Variants in CLVS1 observed in about 807,000 individuals in gnomAD.
CLVS1 encodes the protein clavesin 1, also known as clavesin-1.
CLVS1 carries 10 observed loss-of-function variants against 33.1 expected under a neutral mutation model. The observed-to-expected ratio is 0.30, with a 90% CI of 0.19 to 0.51. CLVS1 has a LOEUF of 0.51. CLVS1 is among the 20% of genes least tolerant of loss of function. The pLI is 0.97. For synonymous variants in CLVS1, 163 were observed against 166.1 expected (o/e 0.98, Z 0.14); for missense variants, 343 against 433.4 (o/e 0.79, Z 1.85).
intron 2 of CLVS1, among the ~76,000 whole-genome samples, chr8:61,330,662 A>G (rs994662525): frequency 1.3e-5 from 2 of 152,142 alleles, no homozygotes; most frequent in Non-Finnish European, 2.9e-5. Context: ...ACAGATGTAC[A>G]TCACTTCTCT....
At chr8:61,447,598 A>G (rs545335257) in intron 3 of CLVS1, among the ~76,000 whole-genome samples, 1 of 152,042 alleles carries the variant, frequency 6.6e-6, no homozygotes, top group East Asian at 1.9e-4. Context: ...TTCATAACTT[A>G]TAGTCTTTTA....
intron 2 of CLVS1, among the ~76,000 whole-genome samples, chr8:61,241,621 T>C (rs1306186211): frequency 6.6e-6 from 1 of 152,244 alleles, no homozygotes; most frequent in Admixed American, 6.5e-5. Flanking sequence ...TTTTATGGTA[T>C]AATTTTCATT....
chr8:61,246,145 C>A (rs1425176169), intron 2 of CLVS1, among the ~76,000 whole-genome samples: 7 of 145,336 alleles, frequency 4.8e-5, no homozygotes, highest in Non-Finnish European at 1.5e-5. Flanking sequence ...CATCTTTAAA[C>A]CCTTTTTCTC....
chr8:61,195,859 G>A (rs12155582), intron 2 of CLVS1, among the ~76,000 whole-genome samples: 66,042 of 151,796 alleles, frequency 0.44, 15,633 homozygotes, highest in Middle Eastern at 0.62. Context: ...GTAAAAGTAG[G>A]AAGTCAGTAA....
the CLVS1 span, among the ~76,000 whole-genome samples, chr8:61,029,953 T>C: frequency 6.6e-6 from 1 of 152,196 alleles, no homozygotes; most frequent in South Asian, 2.1e-4. Context: ...CCTACAGCCA[T>C]CCCTTATGTA....
chr8:61,235,695 G>GT (rs1355266981), intron 2 of CLVS1, among the ~76,000 whole-genome samples: 2 of 152,200 alleles, frequency 1.3e-5, no homozygotes, highest in African/African-American at 4.8e-5. Context: ...GTCTGCATTT[G>GT]TAAGGAGGGT....
intron 2 of CLVS1, among the ~76,000 whole-genome samples, chr8:61,347,677 TATATATC>T: frequency 1.3e-5 from 1 of 79,984 alleles, no homozygotes; most frequent in Non-Finnish European, 2.5e-5. Context: ...TATATATATA[TATATATC>T]CTGAAGTATA....
At chr8:61,332,901 C>G (rs1185834104) in intron 2 of CLVS1, among the ~76,000 whole-genome samples, 1 of 152,168 alleles carries the variant, frequency 6.6e-6, no homozygotes, top group African/African-American at 2.4e-5. Context: ...TGCCAAAGTG[C>G]TGGGATTACA....
At chr8:61,353,883 A>G (rs976127491) in intron 2 of CLVS1, among the ~76,000 whole-genome samples, 1 of 151,986 alleles carries the variant, frequency 6.6e-6, no homozygotes, top group Admixed American at 6.6e-5. Flanking sequence ...CAAATTAGCA[A>G]TATTGGAAAT....
At chr8:61,304,858 C>G (rs1232191042) in intron 2 of CLVS1, among the ~76,000 whole-genome samples, 4 of 152,070 alleles carry the variant, frequency 2.6e-5, no homozygotes, top group Non-Finnish European at 4.4e-5. Flanking sequence ...TTTTTAGGGT[C>G]TCAATTGTAT....
intron 2 of CLVS1, among the ~76,000 whole-genome samples, chr8:61,368,825 C>T (rs915468866): frequency 2.0e-5 from 3 of 152,178 alleles, no homozygotes; most frequent in Admixed American, 6.5e-5. Context: ...TCTTGAATTA[C>T]AATTAATAAT....
At chr8:61,010,156 A>G in the CLVS1 span, among the ~76,000 whole-genome samples, 2 of 151,884 alleles carry the variant, frequency 1.3e-5, no homozygotes, top group African/African-American at 4.8e-5. Context: ...TGCTCCATTC[A>G]CCTCTGCTTG....
At chr8:61,418,689 C>G (rs1318078356) in intron 3 of CLVS1, among the ~76,000 whole-genome samples, 1 of 152,086 alleles carries the variant, frequency 6.6e-6, no homozygotes, top group African/African-American at 2.4e-5. Context: ...CATGAAAGAG[C>G]TTGATAAATT....
intron 1 of CLVS1, among the ~76,000 whole-genome samples, chr8:61,085,238 C>T (rs149563687): frequency 9.6e-4 from 146 of 152,266 alleles, no homozygotes; most frequent in African/African-American, 3.2e-3. Flanking sequence ...AATCCATAGC[C>T]TTGTAATAAA....
chr8:61,438,141 A>G (rs897920291), intron 3 of CLVS1, among the ~76,000 whole-genome samples: 3 of 152,208 alleles, frequency 2.0e-5, no homozygotes, highest in Admixed American at 1.3e-4. Flanking sequence ...TAAGCCCAGC[A>G]TGCATTAGCT....
chr8:61,231,687 C>A (rs1240918982), intron 2 of CLVS1, among the ~76,000 whole-genome samples: 1 of 152,172 alleles, frequency 6.6e-6, no homozygotes, highest in Non-Finnish European at 1.5e-5. Flanking sequence ...TGGAAACTTG[C>A]CGGAAATACG....
intron 2 of CLVS1, among the ~76,000 whole-genome samples, chr8:61,172,547 A>G (rs186498935): frequency 4.7e-4 from 72 of 152,324 alleles, no homozygotes; most frequent in Middle Eastern, 3.4e-3. Context: ...CAAGAGTTTT[A>G]AAAAATTAAT....
intron 2 of CLVS1, among the ~76,000 whole-genome samples, chr8:61,238,175 A>G (rs1204287941): frequency 1.3e-5 from 2 of 152,146 alleles, no homozygotes; most frequent in Non-Finnish European, 2.9e-5. Context: ...CTATGCTGTA[A>G]ATATTTTAAA....
At chr8:61,341,250 G>A (rs1812019840) in intron 2 of CLVS1, among the ~76,000 whole-genome samples, 1 of 152,168 alleles carries the variant, frequency 6.6e-6, no homozygotes, top group Admixed American at 6.5e-5. Context: ...TCTGTCTGGA[G>A]GGAACTGGGT....
Sources: gnomAD v4.1 joint callset for allele counts (sites outside exome capture counted in the v4.1 genomes callset) on GRCh38, gnomAD v4.1.1 for gene constraint, MANE v1.5 for transcripts, NCBI Gene and HGNC (gene_info 2026-07-23, HGNC 2026-07-21) for gene names.